Variants in SLC25A16 observed in about 807,000 individuals in gnomAD.
The protein encoded by SLC25A16 is solute carrier family 25 member 16.
SLC25A16 carries 39 observed loss-of-function variants against 41.5 expected under a neutral mutation model. The observed-to-expected ratio is 0.94, with a 90% CI of 0.73 to 1.23. The LOEUF (loss-of-function observed/expected upper bound fraction) is 1.23. SLC25A16 is among the 50% of genes most tolerant of loss of function. The pLI, the probability that SLC25A16 is intolerant of heterozygous loss-of-function variation, is 0.00. For missense variants in SLC25A16, 421 were observed against 426.9 expected, an observed-to-expected ratio of 0.99 and a Z score of 0.12; for synonymous variants, 146 against 147.8, an observed-to-expected ratio of 0.99 and a Z score of 0.09.
chr10:68,519,801 G>A lies in SLC25A16; in HGVS notation c.131-2958C>T, dbSNP rs1056919791. 2.0e-5 allele frequency among the ~76,000 whole-genome samples: 3 copies of A among 149,972 alleles called. No homozygotes were observed. The Admixed American group carries it at 2.0e-4, about 10-fold the overall frequency. ...GTGGTGGCACATGCTTATAATCCCA[G>A]ATACTTGGAAAGCTGGGGCAGGAGA... On this transcript the variant is annotated intron_variant, in intron 1 of 8. Transcript: ENST00000609923.
intron 8 of SLC25A16, among the ~76,000 whole-genome samples, chr10:68,484,260 A>G (rs1424968800): frequency 6.6e-6 from 1 of 152,156 alleles, no homozygotes; most frequent in Non-Finnish European, 1.5e-5. Context: ...GTTGTATAGT[A>G]TCAACAGCAG....
intron 6 of SLC25A16, 97 bp downstream of exon 6, chr10:68,493,035 C>T: frequency 1.4e-6 from 1 of 715,010 alleles, no homozygotes; most frequent in Non-Finnish European, 2.4e-6. Context: ...AAGTACTTAA[C>T]AGATAACATC....
chr10:68,512,472 C>T (rs957779084), intron 2 of SLC25A16, among the ~76,000 whole-genome samples: 18 of 119,936 alleles, frequency 1.5e-4, no homozygotes, highest in Non-Finnish European at 1.0e-4. Flanking sequence ...CCCGTCTCTA[C>T]TAAAAAAATA....
chr10:68,500,973 T>C (rs1025816327), intron 4 of SLC25A16, among the ~76,000 whole-genome samples: 7 of 147,964 alleles, frequency 4.7e-5, no homozygotes, highest in Non-Finnish European at 7.5e-5. Flanking sequence ...ATATACAGGA[T>C]GCGTGCGGTG....
At chr10:68,525,957 A>C (rs896176620) in intron 1 of SLC25A16, among the ~76,000 whole-genome samples, 2 of 151,806 alleles carry the variant, frequency 1.3e-5, no homozygotes, top group Admixed American at 6.6e-5. Flanking sequence ...GGGACACAAA[A>C]ACTGCGGAAG....
rs1448331286 is a variant in SLC25A16, at chr10:68,480,032, T to C, written c.*3400A>G. On this transcript the variant is annotated 3_prime_UTR_variant, in exon 9 of 9. Coordinates refer to ENST00000609923, the MANE Select transcript of SLC25A16 (RefSeq NM_152707.4). The stretch of plus-strand genomic sequence containing the variant: ...CGTTAAAAAAAAAAAAAAAAGAATG[T>C]AATGAGATATTATTAAACATATCCA... 1 of 149,928 alleles carries C rather than the reference T, an allele frequency of 6.7e-6. No individual in the cohort carries two copies. Among genetic ancestry groups the C allele is most frequent in the Non-Finnish European group, 1.5e-5 (1 of 67,610 alleles). The allele number at this position is 149,928 out of a possible 1,614,324, so 9.3% of individuals were successfully genotyped here.
chr10:68,501,331 A>G (rs1288754325), intron 4 of SLC25A16, among the ~76,000 whole-genome samples: 2 of 152,174 alleles, frequency 1.3e-5, no homozygotes, highest in Non-Finnish European at 2.9e-5. Context: ...AAATGAAGAT[A>G]AATCATAGAG....
chr10:68,524,115 C>A (rs531493838), intron 1 of SLC25A16, among the ~76,000 whole-genome samples: 2 of 151,932 alleles, frequency 1.3e-5, no homozygotes, highest in Admixed American at 1.3e-4. Flanking sequence ...TCGAGACCAT[C>A]CTGGCTAATA....
chr10:68,508,901 C>A (rs1303852297), intron 2 of SLC25A16, among the ~76,000 whole-genome samples: 5 of 152,116 alleles, frequency 3.3e-5, no homozygotes, highest in Non-Finnish European at 7.3e-5. Flanking sequence ...GTTTCAACTA[C>A]ACTGACAATG....
In SLC25A16 at chr10:68,485,775, C is replaced by T. The variant is rs188842064; in HGVS notation, c.842+1369G>A. Among the ~76,000 whole-genome samples the T allele has an allele frequency of 3.7e-3, 555 of 150,648 alleles. 6 individuals carry two copies. Among genetic ancestry groups the T allele is most frequent in the African/African-American group, 0.013 (530 of 41,038 alleles). On this transcript the variant is annotated intron_variant, in intron 8 of 8. Transcript: ENST00000609923. Reference sequence around the variant, plus strand: ...TTGCCTCCTGGGTTCAAGCAATTATCGTGCCTCAGCCTCCTAAGCAATATT... The same window carrying T: ...TTGCCTCCTGGGTTCAAGCAATTATTGTGCCTCAGCCTCCTAAGCAATATT...
intron 1 of SLC25A16, among the ~76,000 whole-genome samples, chr10:68,522,912 CG>C (rs771885236): frequency 6.7e-6 from 1 of 149,998 alleles, no homozygotes; most frequent in Non-Finnish European, 1.5e-5. Flanking sequence ...CACTTGAACA[CG>C]GGAGGTGGAG....
chr10:68,484,827 T>C (rs1163963831), intron 8 of SLC25A16, among the ~76,000 whole-genome samples: 1 of 152,066 alleles, frequency 6.6e-6, no homozygotes, highest in East Asian at 1.9e-4. Context: ...AGACAACATA[T>C]CACCAATCAA....
intron 2 of SLC25A16, among the ~76,000 whole-genome samples, chr10:68,508,673 G>A (rs2053002493): frequency 6.6e-6 from 1 of 151,936 alleles, no homozygotes; most frequent in African/African-American, 2.4e-5. Flanking sequence ...AGCCGAGATT[G>A]TGCCATTGTA....
intron 1 of SLC25A16, among the ~76,000 whole-genome samples, chr10:68,525,953 C>T (rs1056520889): frequency 6.6e-6 from 1 of 151,844 alleles, no homozygotes; most frequent in Non-Finnish European, 1.5e-5. Context: ...CCCAGGGACA[C>T]AAAAACTGCG....
At chr10:68,484,928 T>C (rs2052534203) in intron 8 of SLC25A16, among the ~76,000 whole-genome samples, 2 of 152,236 alleles carry the variant, frequency 1.3e-5, no homozygotes, top group East Asian at 3.9e-4. Flanking sequence ...ATTAAGCACT[T>C]GAAATGTGGC....
intron 3 of SLC25A16, among the ~76,000 whole-genome samples, chr10:68,505,735 A>G (rs1033245722): frequency 2.3e-4 from 35 of 152,184 alleles, no homozygotes; most frequent in African/African-American, 8.4e-4. Flanking sequence ...ACTCCGTCTG[A>G]AAAAATAAAT....
chr10:68,502,006 G>A (rs2052854850), intron 4 of SLC25A16, among the ~76,000 whole-genome samples: 1 of 152,032 alleles, frequency 6.6e-6, no homozygotes, highest in Admixed American at 6.6e-5. Flanking sequence ...AGACCAGCCT[G>A]GCCAATGTGG....
chr10:68,483,344 C>A lies in SLC25A16; in HGVS notation c.*88G>T. On this transcript the variant is annotated 3_prime_UTR_variant, in exon 9 of 9. Transcript: ENST00000609923. ...GCTCTTGTGACAGGGTAAATATCCC[C>A]ATTCAAGTAATGTTCCCCCCACAAT... The A allele has an allele frequency of 1.2e-6, 1 of 828,730 alleles. No homozygotes were observed. 51.3% of individuals were successfully genotyped at this position (828,730 alleles called of 1,614,324 possible).
chr10:68,514,992 C>A (rs1481690797), intron 2 of SLC25A16, among the ~76,000 whole-genome samples: 1 of 151,602 alleles, frequency 6.6e-6, no homozygotes, highest in Non-Finnish European at 1.5e-5. Flanking sequence ...CCTGCCTCAG[C>A]CTCCCAAAGT....
Sources: allele counts gnomAD v4.1 joint callset (sites outside exome capture counted in the v4.1 genomes callset), GRCh38; gene constraint gnomAD v4.1.1; transcripts MANE v1.5; gene names NCBI Gene and HGNC (gene_info 2026-07-23, HGNC 2026-07-21).